ATP8A1: variants seen among roughly 807,000 people sequenced by gnomAD.
ATP8A1 encodes phospholipid-transporting ATPase IA.
In ATP8A1, 90 loss-of-function variants were observed where a neutral mutation model predicts 177.7. The observed-to-expected ratio is 0.51, with a 90% confidence interval of 0.43 to 0.60. The LOEUF (loss-of-function observed/expected upper bound fraction) is 0.60, where lower values mean the gene tolerates loss of function less well. Ranked by LOEUF, ATP8A1 falls within the 20% of genes least tolerant of loss-of-function variation. The pLI, the probability that ATP8A1 is intolerant of heterozygous loss-of-function variation, is 0.00. For missense variants in ATP8A1, 1,072 were observed against 1,392.8 expected (o/e 0.77, Z 3.67); for synonymous variants, 493 against 485.9 (o/e 1.01, Z -0.19).
chr4:42,504,293 A>G (rs1724143767), intron 23 of ATP8A1, among the ~76,000 whole-genome samples: 1 of 152,184 alleles, frequency 6.6e-6, no homozygotes, highest in African/African-American at 2.4e-5. Context: ...AGACACTTAC[A>G]TAGGAAGTAG....
intron 1 of ATP8A1, among the ~76,000 whole-genome samples, chr4:42,638,602 G>A (rs567085861): frequency 7.9e-5 from 12 of 152,258 alleles, no homozygotes; most frequent in African/African-American, 2.9e-4. Context: ...ATTTACTAAC[G>A]CCATTTCATG....
At chr4:42,568,756 G>C (rs1355459769) in intron 15 of ATP8A1, among the ~76,000 whole-genome samples, 1 of 152,068 alleles carries the variant, frequency 6.6e-6, no homozygotes, top group Non-Finnish European at 1.5e-5. Flanking sequence ...CCACTGCTTG[G>C]GTATGTTTCA....
intron 10 of ATP8A1, 64 bp from the exon 11 acceptor site, chr4:42,580,042 G>C: frequency 9.3e-6 from 12 of 1,283,482 alleles, no homozygotes; most frequent in Non-Finnish European, 1.2e-5. Context: ...TCTATACTTA[G>C]TATTCTGTTG....
intron 12 of ATP8A1, among the ~76,000 whole-genome samples, chr4:42,575,927 G>A (rs1732398612): frequency 6.6e-6 from 1 of 152,134 alleles, no homozygotes; most frequent in Admixed American, 6.6e-5. Context: ...ATGGTAGTTA[G>A]AGCCTGTCTA....
intron 27 of ATP8A1, among the ~76,000 whole-genome samples, chr4:42,463,166 T>A (rs182083776): frequency 2.0e-5 from 3 of 152,192 alleles, no homozygotes; most frequent in Non-Finnish European, 2.9e-5. Context: ...GAAGGAATGA[T>A]TGGTTTGGAA....
chr4:42,634,112 T>A lies in ATP8A1; in HGVS notation c.50-7003A>T, dbSNP rs372433611. 3.9e-5 allele frequency among the ~76,000 whole-genome samples: 6 copies of A among 152,288 alleles called. No individual in the cohort carries two copies. The South Asian group carries it at 1.2e-3, about 32-fold the overall frequency. ...GACCATTTCGAGGACACTGTGATAA[T>A]CCAGGTAAAAGATGATGAGTCCTGG... On this transcript the variant is annotated intron_variant, in intron 1 of 36. Coordinates refer to ENST00000381668, the MANE Select transcript of ATP8A1 (RefSeq NM_006095.2).
At chr4:42,597,706 C>T (rs1025562425) in intron 6 of ATP8A1, among the ~76,000 whole-genome samples, 5 of 152,114 alleles carry the variant, frequency 3.3e-5, no homozygotes, top group African/African-American at 4.8e-5. Flanking sequence ...TTTTTATACA[C>T]GTGGAGATAT....
intron 24 of ATP8A1, among the ~76,000 whole-genome samples, chr4:42,494,559 A>G (rs941814179): frequency 1.3e-5 from 2 of 152,190 alleles, no homozygotes; most frequent in Non-Finnish European, 2.9e-5. Context: ...GCCAACATTC[A>G]ATACTATCAG....
At chr4:42,432,339 T>A (rs1373440655) in intron 33 of ATP8A1, among the ~76,000 whole-genome samples, 1 of 152,234 alleles carries the variant, frequency 6.6e-6, no homozygotes, top group African/African-American at 2.4e-5. Flanking sequence ...GGTAGAAATA[T>A]ATCAGTAGAA....
chr4:42,455,028 C>T (rs1032884676), intron 29 of ATP8A1, among the ~76,000 whole-genome samples: 1 of 152,134 alleles, frequency 6.6e-6, no homozygotes, highest in African/African-American at 2.4e-5. Flanking sequence ...TTTTATACGT[C>T]AGGCCAGCTT....
chr4:42,572,958 T>C (rs1732052569), intron 14 of ATP8A1, among the ~76,000 whole-genome samples: 1 of 152,170 alleles, frequency 6.6e-6, no homozygotes, highest in South Asian at 2.1e-4. Flanking sequence ...TTAATCTCAA[T>C]GATGACAATA....
chr4:42,534,693 C>T (rs1231630809), intron 20 of ATP8A1, among the ~76,000 whole-genome samples: 2 of 152,132 alleles, frequency 1.3e-5, no homozygotes, highest in Non-Finnish European at 2.9e-5. Context: ...AAGATCATCA[C>T]CTCGGCACAT....
chr4:42,617,042 T>C (rs1736991249), intron 4 of ATP8A1, among the ~76,000 whole-genome samples: 1 of 152,224 alleles, frequency 6.6e-6, no homozygotes, highest in Admixed American at 6.5e-5. Context: ...CGTACCTGAC[T>C]ATAATATGGG....
chr4:42,454,304 C>G (rs1560341695), intron 29 of ATP8A1, among the ~76,000 whole-genome samples: 1 of 152,154 alleles, frequency 6.6e-6, no homozygotes, highest in Non-Finnish European at 1.5e-5. Context: ...ACTTTATTCT[C>G]TTGGCATATG....
chr4:42,514,220 G>A (rs961935225), intron 22 of ATP8A1, among the ~76,000 whole-genome samples: 1 of 152,162 alleles, frequency 6.6e-6, no homozygotes, highest in Non-Finnish European at 1.5e-5. Context: ...ACAAAGCCAA[G>A]GGCTTAGTTA....
chr4:42,625,477 T>C, intron 3 of ATP8A1, 137 bp downstream of exon 3: 1 of 520,214 alleles, frequency 1.9e-6, no homozygotes, highest in East Asian at 3.2e-5. Context: ...ATTCCAACAC[T>C]GCTTGCAGCA....
intron 33 of ATP8A1, among the ~76,000 whole-genome samples, chr4:42,425,669 C>G (rs1378367875): frequency 6.6e-6 from 1 of 152,104 alleles, no homozygotes; most frequent in Non-Finnish European, 1.5e-5. Flanking sequence ...TTCACATTTC[C>G]CCACTCACAG....
intron 33 of ATP8A1, among the ~76,000 whole-genome samples, chr4:42,441,163 T>C (rs749267445): frequency 2.6e-5 from 4 of 152,194 alleles, no homozygotes; most frequent in Non-Finnish European, 5.9e-5. Flanking sequence ...ATTTAACTTA[T>C]GCTGGCATTA....
At chr4:42,616,217 T>A (rs9991435) in intron 4 of ATP8A1, 139 bp from the exon 5 acceptor site, 1 of 701,866 alleles carries the variant, frequency 1.4e-6, no homozygotes, top group African/African-American at 1.8e-5. Flanking sequence ...TGTTAAAGTA[T>A]ACATTGATGG....
Sources: gnomAD v4.1 joint callset for allele counts (sites outside exome capture counted in the v4.1 genomes callset) on GRCh38, gnomAD v4.1.1 for gene constraint, MANE v1.5 for transcripts, NCBI Gene and HGNC (gene_info 2026-07-23, HGNC 2026-07-21) for gene names.